Variants in SGCD observed in about 807,000 individuals in gnomAD.
SGCD encodes sarcoglycan delta, also known as delta-sarcoglycan.
A neutral mutation model predicts 36.6 loss-of-function variants in SGCD; 18 were observed. The ratio of observed to expected loss-of-function variants is 0.49; its 90% CI spans 0.34 to 0.73. The LOEUF (loss-of-function observed/expected upper bound fraction) is 0.73. SGCD is among the 30% of genes least tolerant of loss of function. The probability of loss-of-function intolerance (pLI) is 0.01; values close to 1 mark genes in which losing one functional copy is unlikely to be tolerated. For synonymous variants in SGCD, 133 were observed against 130.6 expected (o/e 1.02, Z -0.12); for missense variants, 387 against 346.7 (o/e 1.12, Z -0.92).
intron 1 of SGCD, among the ~76,000 whole-genome samples, chr5:156,117,440 A>G (rs1451954451): frequency 1.3e-5 from 2 of 152,086 alleles, no homozygotes; most frequent in Admixed American, 6.6e-5. Flanking sequence ...ACTAGATGAA[A>G]TATCTTATAT....
At chr5:155,996,818 A>G (rs545266071) in intron 1 of SGCD, among the ~76,000 whole-genome samples, 2 of 152,124 alleles carry the variant, frequency 1.3e-5, no homozygotes, top group Admixed American at 1.3e-4. Context: ...ATAATTTTTA[A>G]AAAATCAAAG....
At chr5:156,040,447 G>A (rs1759608819) in intron 1 of SGCD, among the ~76,000 whole-genome samples, 1 of 152,182 alleles carries the variant, frequency 6.6e-6, no homozygotes, top group African/African-American at 2.4e-5. Flanking sequence ...TAATTATCCA[G>A]TAGAGGAACT....
intron 4 of SGCD, among the ~76,000 whole-genome samples, chr5:156,554,923 C>T (rs1053047175): frequency 1.3e-4 from 20 of 152,062 alleles, no homozygotes; most frequent in African/African-American, 3.9e-4. Flanking sequence ...CCATTACAGC[C>T]GTCACAGTAG....
Position 156,627,350 on chromosome 5 carries a change from C to CAG in SGCD, c.503-20103_503-20102dup, listed in dbSNP as rs370955158. Among the ~76,000 whole-genome samples the CAG allele has an allele frequency of 4.6e-3, 706 of 151,950 alleles. 2 individuals are homozygous for CAG. The highest frequency in any genetic ancestry group is 0.016 in the African/African-American group (645 of 41,448). Reference sequence around the variant, plus strand: ...TAGGGTTTTTTGAGAACTATAAAAACAGAGAGAGAGAGCACTTAACAGACC... The same window carrying CAG: ...TAGGGTTTTTTGAGAACTATAAAAACAGAGAGAGAGAGAGCACTTAACAGACC... On this transcript the variant is annotated intron_variant, in intron 6 of 8. Transcript: ENST00000337851.
chr5:156,328,596 C>G (rs1767920678), intron 1 of SGCD, among the ~76,000 whole-genome samples: 1 of 152,132 alleles, frequency 6.6e-6, no homozygotes, highest in African/African-American at 2.4e-5. Context: ...TGAGAAGGCA[C>G]ACATTCTGTC....
At chr5:156,567,855 T>C (rs1759561381) in intron 4 of SGCD, among the ~76,000 whole-genome samples, 2 of 152,230 alleles carry the variant, frequency 1.3e-5, no homozygotes, top group Non-Finnish European at 2.9e-5. Flanking sequence ...GGATGCGGGA[T>C]GATGACAGTG....
intron 2 of SGCD, among the ~76,000 whole-genome samples, chr5:156,333,275 A>G (rs1331406863): frequency 6.6e-6 from 1 of 152,166 alleles, no homozygotes; most frequent in Non-Finnish European, 1.5e-5. Context: ...GCTTTTCATG[A>G]TGCTGTAAAA....
chr5:156,369,863 G>A (rs943164537), intron 3 of SGCD, among the ~76,000 whole-genome samples: 1 of 152,118 alleles, frequency 6.6e-6, no homozygotes, highest in Non-Finnish European at 1.5e-5. Flanking sequence ...TCCAAATGGG[G>A]TTTAAAATGG....
chr5:156,562,872 A>T (rs935768802), intron 4 of SGCD, among the ~76,000 whole-genome samples: 2 of 151,556 alleles, frequency 1.3e-5, no homozygotes, highest in African/African-American at 4.8e-5. Context: ...CTTAAATTAT[A>T]TTTAAAGACC....
chr5:156,632,675 G>A (rs1337255088), intron 6 of SGCD, among the ~76,000 whole-genome samples: 1 of 152,172 alleles, frequency 6.6e-6, no homozygotes. Flanking sequence ...TTGGGTTTAT[G>A]TAACAAAGCC....
intron 1 of SGCD, among the ~76,000 whole-genome samples, chr5:155,879,953 T>A (rs1475178701): frequency 6.6e-6 from 1 of 152,140 alleles, no homozygotes; most frequent in African/African-American, 2.4e-5. Context: ...TTATTGTTAT[T>A]TTTTGTTTCT....
intron 3 of SGCD, among the ~76,000 whole-genome samples, chr5:156,389,742 T>C (rs1172674707): frequency 1.3e-5 from 2 of 152,170 alleles, no homozygotes; most frequent in Non-Finnish European, 2.9e-5. Flanking sequence ...TGGAGACCCC[T>C]GATGTATAGT....
intron 7 of SGCD, among the ~76,000 whole-genome samples, chr5:156,738,938 C>CTGAG (rs773659696): frequency 3.9e-5 from 6 of 152,176 alleles, no homozygotes; most frequent in Non-Finnish European, 8.8e-5. Flanking sequence ...GCTCAAAATC[C>CTGAG]TGAGTCTGAA....
intron 1 of SGCD, among the ~76,000 whole-genome samples, chr5:155,909,081 A>G (rs1756579931): frequency 6.6e-6 from 1 of 152,068 alleles, no homozygotes. Context: ...TATCTGGTGA[A>G]TGTTAGGCTC....
At chr5:156,276,277 G>A (rs138403322) in intron 3 of SGCD, among the ~76,000 whole-genome samples, 4 of 152,240 alleles carry the variant, frequency 2.6e-5, no homozygotes, top group East Asian at 3.9e-4. Flanking sequence ...GTATCATCAC[G>A]AGATAATGGA....
the SGCD span, among the ~76,000 whole-genome samples, chr5:155,844,413 C>T: frequency 9.4e-6 from 1 of 106,912 alleles, no homozygotes; most frequent in Non-Finnish European, 2.0e-5. Flanking sequence ...GAGGGTGTTG[C>T]TAAGGCTTTG....
At chr5:156,740,547 G>A (rs1423858480) in intron 7 of SGCD, among the ~76,000 whole-genome samples, 1 of 152,170 alleles carries the variant, frequency 6.6e-6, no homozygotes, top group Admixed American at 6.5e-5. Flanking sequence ...AGTATAATGG[G>A]CCCACACAGT....
intron 3 of SGCD, among the ~76,000 whole-genome samples, chr5:156,482,812 A>ATTTT (rs1755490348): frequency 7.0e-5 from 4 of 57,142 alleles, no homozygotes; most frequent in South Asian, 6.9e-4. Flanking sequence ...CCTTTTGGTC[A>ATTTT]GTTTTTTTTT....
chr5:156,696,948 ACACACACAC>A (rs1304485096), intron 7 of SGCD, among the ~76,000 whole-genome samples: 3 of 148,362 alleles, frequency 2.0e-5, no homozygotes, highest in Admixed American at 6.8e-5. Context: ...ACACACACAC[ACACACACAC>A]ACACACTTCA....
Sources: gnomAD v4.1 joint callset for allele counts (sites outside exome capture counted in the v4.1 genomes callset) on GRCh38, gnomAD v4.1.1 for gene constraint, MANE v1.5 for transcripts, NCBI Gene and HGNC (gene_info 2026-07-23, HGNC 2026-07-21) for gene names.